Variants in FHOD3 observed in about 807,000 individuals in gnomAD.
The protein encoded by FHOD3 is FH1/FH2 domain-containing protein 3.
A neutral mutation model predicts 173.0 loss-of-function variants in FHOD3; 90 were observed. The observed-to-expected ratio is 0.52, with a 90% confidence interval of 0.44 to 0.62. FHOD3 has a LOEUF of 0.62. FHOD3 is among the 20% of genes least tolerant of loss of function. The probability of loss-of-function intolerance (pLI) is 0.00; values close to 1 mark genes in which losing one functional copy is unlikely to be tolerated. For missense variants in FHOD3, 1,945 were observed against 2,034.7 expected (o/e 0.96, Z 0.85); for synonymous variants, 828 against 823.0 (o/e 1.01, Z -0.10).
At chr18:36,461,343 T>A (rs78437361) in intron 3 of FHOD3, among the ~76,000 whole-genome samples, 5,249 of 152,266 alleles carry the variant, frequency 0.034, 277 homozygotes, top group African/African-American at 0.12. Flanking sequence ...AAAGGATTTT[T>A]TTCATTCCAT....
chr18:36,646,661 CT>C (rs1904555754), intron 10 of FHOD3, among the ~76,000 whole-genome samples: 1 of 152,148 alleles, frequency 6.6e-6, no homozygotes, highest in African/African-American at 2.4e-5. Flanking sequence ...TATCTGACCC[CT>C]ATCTTACATG....
At chr18:36,689,729 T>C (rs958659633) in intron 16 of FHOD3, among the ~76,000 whole-genome samples, 2 of 152,134 alleles carry the variant, frequency 1.3e-5, no homozygotes, top group African/African-American at 2.4e-5. Context: ...TTTGGGTTTG[T>C]TAGTCTGAGG....
At chr18:36,575,588 T>TA (rs1471172326) in intron 5 of FHOD3, among the ~76,000 whole-genome samples, 8 of 152,292 alleles carry the variant, frequency 5.3e-5, no homozygotes, top group Admixed American at 2.0e-4. Context: ...GTTACCAGCA[T>TA]AAAAAATGTT....
chr18:36,515,496 C>T (rs997453501), intron 5 of FHOD3, among the ~76,000 whole-genome samples: 5 of 152,156 alleles, frequency 3.3e-5, no homozygotes, highest in African/African-American at 7.2e-5. Context: ...GGATTACAGG[C>T]GTGAGCCACT....
At chr18:36,711,257 C>T (rs945891026) in intron 18 of FHOD3, 1 of 152,198 alleles carries the variant, frequency 6.6e-6, no homozygotes, top group African/African-American at 2.4e-5. Flanking sequence ...CATTATAGCT[C>T]TTGCTTTTCA....
At chr18:36,514,713 C>T (rs2055865567) in intron 5 of FHOD3, among the ~76,000 whole-genome samples, 1 of 152,310 alleles carries the variant, frequency 6.6e-6, no homozygotes, top group South Asian at 2.1e-4. Flanking sequence ...TCTTCTGACC[C>T]TTACCTAGGA....
At chr18:36,469,682 G>C (rs1029556081) in intron 3 of FHOD3, among the ~76,000 whole-genome samples, 4 of 152,192 alleles carry the variant, frequency 2.6e-5, no homozygotes, top group Non-Finnish European at 5.9e-5. Context: ...TCGGCAGGGG[G>C]TTGTGAGGCC....
At chr18:36,482,858 C>CACACACACACAG (rs1400178557) in intron 3 of FHOD3, among the ~76,000 whole-genome samples, 13 of 130,460 alleles carry the variant, frequency 1.0e-4, no homozygotes, top group African/African-American at 4.0e-4. Flanking sequence ...CACACACACA[C>CACACACACACAG]AGAGAGAGAG....
intron 9 of FHOD3, among the ~76,000 whole-genome samples, chr18:36,620,012 C>T (rs952845834): frequency 2.0e-5 from 3 of 152,190 alleles, no homozygotes; most frequent in African/African-American, 4.8e-5. Flanking sequence ...GCCTTCTCCC[C>T]ATTCCAAACT....
chr18:36,746,530 CA>C (rs1170802669), intron 23 of FHOD3, among the ~76,000 whole-genome samples: 1 of 152,142 alleles, frequency 6.6e-6, no homozygotes. Flanking sequence ...CCCAGCATAG[CA>C]GAGCCATCTT....
chr18:36,437,236 G>A (rs979324997), intron 3 of FHOD3, among the ~76,000 whole-genome samples: 1 of 152,080 alleles, frequency 6.6e-6, no homozygotes, highest in Admixed American at 6.5e-5. Flanking sequence ...TCCCACCCAA[G>A]CCTCCCAAGT....
At chr18:36,721,085 G>T (rs145162714) in intron 19 of FHOD3, among the ~76,000 whole-genome samples, 41 of 152,284 alleles carry the variant, frequency 2.7e-4, no homozygotes, top group African/African-American at 8.9e-4. Flanking sequence ...TCAGCCCAAA[G>T]TTCCATGATT....
intron 1 of FHOD3, among the ~76,000 whole-genome samples, chr18:36,320,860 A>G (rs2044358520): frequency 6.6e-6 from 1 of 152,228 alleles, no homozygotes. Context: ...GCATTGGAGA[A>G]ATAACACTGA....
At chr18:36,578,994 C>T (rs770534922) in intron 6 of FHOD3, among the ~76,000 whole-genome samples, 1 of 152,120 alleles carries the variant, frequency 6.6e-6, no homozygotes, top group Non-Finnish European at 1.5e-5. Flanking sequence ...ATGGAAGTGA[C>T]TCTGTTTTGA....
At chr18:36,554,865 G>T (rs1259080543) in intron 5 of FHOD3, among the ~76,000 whole-genome samples, 2 of 152,130 alleles carry the variant, frequency 1.3e-5, no homozygotes, top group East Asian at 1.9e-4. Flanking sequence ...AATATTTTGT[G>T]TAAAGTTCAG....
At chr18:36,555,642 C>T (rs1231972732) in intron 5 of FHOD3, among the ~76,000 whole-genome samples, 1 of 152,078 alleles carries the variant, frequency 6.6e-6, no homozygotes, top group African/African-American at 2.4e-5. Flanking sequence ...TTGACGTTTC[C>T]AACCATAACT....
rs1435037068 is a variant in FHOD3 at position 36,652,798 on chromosome 18, C to T, written c.1515C>T (p.Ser505=). The change falls in exon 12 of 29, where the codon TCC becomes TCT. Residue 505 remains serine (S), a synonymous_variant. Coordinates refer to ENST00000590592, the MANE Select transcript of FHOD3 (RefSeq NM_001281740.3). ...AARPSSATPG[S]LKVSPTIDKL... ...GGCCCTCCTCCGCCACACCAGGCTCCCTGAAGGTGTCACCGACCATAGACA... is the reference window on the plus strand; with the variant it reads ...GGCCCTCCTCCGCCACACCAGGCTCTCTGAAGGTGTCACCGACCATAGACA... 3.3e-6 allele frequency: 5 copies of T among 1,535,920 alleles called. No individual in the cohort carries two copies. In the African/African-American group the frequency reaches 4.1e-5, roughly 13 times the overall value.
chr18:36,298,645 T>C (rs2091872387), intron 1 of FHOD3, among the ~76,000 whole-genome samples: 1 of 151,482 alleles, frequency 6.6e-6, no homozygotes, highest in Non-Finnish European at 1.5e-5. Context: ...GAGCAGTCGC[T>C]GTGGGAGGAG....
At chr18:36,354,933 C>T (rs1324483815) in intron 1 of FHOD3, among the ~76,000 whole-genome samples, 2 of 152,118 alleles carry the variant, frequency 1.3e-5, no homozygotes, top group Non-Finnish European at 2.9e-5. Context: ...GAGCTGAGAT[C>T]GAGCAACTGC....
Sources: allele counts gnomAD v4.1 joint callset (sites outside exome capture counted in the v4.1 genomes callset), GRCh38; gene constraint gnomAD v4.1.1; transcripts MANE v1.5; gene names NCBI Gene and HGNC (gene_info 2026-07-23, HGNC 2026-07-21).